The following KCNAB2 variants were observed in gnomAD, a reference collection of about 807,000 sequenced individuals.
KCNAB2 encodes the protein potassium voltage-gated channel subfamily A regulatory beta subunit 2, also known as voltage-gated potassium channel subunit beta-2.
In KCNAB2, 29 loss-of-function variants were observed where a neutral mutation model predicts 63.6. The observed-to-expected ratio is 0.46, with a 90% CI of 0.34 to 0.62. The LOEUF (loss-of-function observed/expected upper bound fraction) is 0.62, where lower values mean the gene tolerates loss of function less well. Among genes scored for constraint, KCNAB2 ranks in the 20% least tolerant of loss-of-function variants. KCNAB2 has a pLI of 0.01. For missense variants in KCNAB2, 359 were observed against 563.9 expected, an observed-to-expected ratio of 0.64 and a Z score of 3.68; for synonymous variants, 222 against 224.2, an observed-to-expected ratio of 0.99 and a Z score of 0.09.
intron 13 of KCNAB2, among the ~76,000 whole-genome samples, 156 bp downstream of exon 13, chr1:6,095,780 C>T (rs1665569820): frequency 6.6e-6 from 1 of 152,082 alleles, no homozygotes; most frequent in South Asian, 2.1e-4. Flanking sequence ...GGCGTGAGAA[C>T]ATGGAGCCCC....
intron 4 of KCNAB2, 115 bp from the exon 5 acceptor site, chr1:6,082,080 G>A: frequency 1.2e-6 from 1 of 814,974 alleles, no homozygotes; most frequent in Non-Finnish European, 2.1e-6. Context: ...AGCCTGTCGG[G>A]CCCGGGAGGG....
In KCNAB2 at chr1:5,994,554, C is replaced by T. The variant is rs1656835879; in HGVS notation, c.-53+1766C>T. On this transcript the variant is annotated intron_variant, in intron 1 of 16. Coordinates refer to the KCNAB2 transcript ENST00000341524. This position sits in a 1 kb window ranked among gnomAD's most constrained non-coding sequence, Gnocchi z 5.4. ...TTTTTTTTTTCCCTGCGCCAGTCAG[C>T]AAATGCTTTGTAGGTGCTAGTCAAC... Among the ~76,000 whole-genome samples, 2 of 152,148 alleles carry T rather than the reference C, an allele frequency of 1.3e-5. No individual in the cohort carries two copies.
intron 1 of KCNAB2, chr1:6,040,375 G>C (rs1660398970): frequency 1.6e-6 from 1 of 621,134 alleles, no homozygotes; most frequent in Non-Finnish European, 3.0e-6. Flanking sequence ...CTGTCTGTCT[G>C]TCTCTCTGCT....
chr1:6,004,269 G>A (rs1391607542), intron 1 of KCNAB2, among the ~76,000 whole-genome samples: 3 of 150,628 alleles, frequency 2.0e-5, no homozygotes, highest in Admixed American at 6.6e-5. Context: ...CTGTGTTACC[G>A]AGTCTGGTCT....
intron 4 of KCNAB2, among the ~76,000 whole-genome samples, chr1:6,081,199 T>C (rs1414310166): frequency 6.6e-6 from 1 of 152,206 alleles, no homozygotes; most frequent in Non-Finnish European, 1.5e-5. Context: ...CAGTCATTCA[T>C]CCATCTTGCC....
Position 6,051,738 on chromosome 1 carries a change from A to C in KCNAB2, c.202A>C (p.Thr68Pro). The C allele has an allele frequency of 1.3e-6, 2 of 1,533,158 alleles. No homozygotes were observed. The highest frequency in any genetic ancestry group is 1.7e-6 in the Non-Finnish European group (2 of 1,146,366). 95.0% of individuals were successfully genotyped at this position (1,533,158 alleles called of 1,614,324 possible). A position where few individuals can be genotyped will look rare whatever the true frequency, so the allele number is the denominator to read the frequency against. Residue 68 changes from threonine to proline, a missense_variant, in exon 2 of 16, where the codon ACA (threonine) becomes CCA (proline). This residue lies in a region of KCNAB2 where 271 missense variants were observed against 476.1 expected (regional missense o/e 0.57). Coordinates refer to ENST00000378083, the MANE Select transcript of KCNAB2 (RefSeq NM_001199862.2). The stretch of plus-strand genomic sequence containing the variant: ...CCTGGACGGCTGCACCGCCCAGCGC[A>C]CAGGCATGAAGTATCGGTAAGGGCC... ...LSLDGCTAQR[T>P]GMKYRNLGKS...
At chr1:6,049,628 TGG>T (rs1213316883) in intron 1 of KCNAB2, among the ~76,000 whole-genome samples, 2 of 152,130 alleles carry the variant, frequency 1.3e-5, no homozygotes, top group African/African-American at 4.8e-5. Context: ...ACCAGGGTGG[TGG>T]GGCCAAGGCC....
intron 1 of KCNAB2, among the ~76,000 whole-genome samples, chr1:6,013,335 C>T (rs964537015): frequency 5.3e-5 from 8 of 152,200 alleles, no homozygotes; most frequent in Admixed American, 2.0e-4. Flanking sequence ...ACACTTGTGA[C>T]GCTCAGAGCT....
chr1:6,045,007 T>A (rs907734382), upstream of KCNAB2, among the ~76,000 whole-genome samples: 17 of 152,050 alleles, frequency 1.1e-4, no homozygotes, highest in Non-Finnish European at 2.5e-4. This position sits in a 1 kb window ranked among gnomAD's most constrained non-coding sequence, Gnocchi z 4.8. Flanking sequence ...CAGGGCGACA[T>A]GTGGGGATCT....
At chr1:6,077,737 G>C (rs559841824) in intron 4 of KCNAB2, among the ~76,000 whole-genome samples, 1 of 152,190 alleles carries the variant, frequency 6.6e-6, no homozygotes, top group Non-Finnish European at 1.5e-5. Flanking sequence ...AGGAGCATCC[G>C]GGGCCCCGCC....
chr1:6,097,124 G>T, intron 14 of KCNAB2, 145 bp from the exon 15 acceptor site: 2 of 904,892 alleles, frequency 2.2e-6, no homozygotes, highest in Non-Finnish European at 3.2e-6. Context: ...GACAAAGCCC[G>T]TGCCCAGCAC....
At chr1:6,089,989 A>G (rs1665049586) in intron 8 of KCNAB2, among the ~76,000 whole-genome samples, 1 of 152,230 alleles carries the variant, frequency 6.6e-6, no homozygotes, top group African/African-American at 2.4e-5. Context: ...GGCATGGGCC[A>G]CCACGCCCGA....
intron 1 of KCNAB2, among the ~76,000 whole-genome samples, chr1:6,002,569 C>T (rs111605061): frequency 1.3e-5 from 2 of 152,236 alleles, no homozygotes; most frequent in Admixed American, 6.5e-5. Context: ...CCCACACCAC[C>T]GATGAGGACA....
At chr1:6,008,069 C>T (rs1657930309) in intron 1 of KCNAB2, among the ~76,000 whole-genome samples, 1 of 152,188 alleles carries the variant, frequency 6.6e-6, no homozygotes, top group Non-Finnish European at 1.5e-5. Flanking sequence ...ACTACTTCAT[C>T]AGGCATCCCC....
At chr1:6,081,980 CTTCT>C (rs1664248178) in intron 4 of KCNAB2, among the ~76,000 whole-genome samples, 1 of 152,092 alleles carries the variant, frequency 6.6e-6, no homozygotes. Flanking sequence ...TTCCTTTTGC[CTTCT>C]TTATTCTTCT....
rs1460972530 is a variant in KCNAB2 at position 6,081,945 on chromosome 1, T to C, written c.301-250T>C. ...TGATGGGGTCCCTGCTCTCAAGAAA[T>C]TCACAGTCCTTGGCAGTTTCTTCAT... On this transcript the variant is annotated intron_variant, in intron 4 of 15. Transcript: ENST00000378083. Among the ~76,000 whole-genome samples, 3 of 152,198 alleles carry C rather than the reference T, an allele frequency of 2.0e-5. No individual in the cohort carries two copies. In the East Asian group the frequency reaches 5.8e-4, roughly 29 times the overall value.
At chr1:6,094,600 C>A in intron 11 of KCNAB2, 115 bp downstream of exon 11, 1 of 789,242 alleles carries the variant, frequency 1.3e-6, no homozygotes, top group East Asian at 2.7e-5. Flanking sequence ...TGCACCGATG[C>A]CTGGGTGCTA....
In KCNAB2 at chr1:6,028,375, T is replaced by C. The variant is rs1008163821; in HGVS notation, c.-52-12142T>C. Among the ~76,000 whole-genome samples the C allele has an allele frequency of 2.1e-4, 32 of 152,198 alleles. No individual in the cohort carries two copies. The highest frequency in any genetic ancestry group is 7.5e-4 in the African/African-American group (31 of 41,444). On this transcript the variant is annotated intron_variant, in intron 1 of 16. Transcript: ENST00000341524. This position sits in a 1 kb window ranked among gnomAD's most constrained non-coding sequence, Gnocchi z 4.0. ...AGAACAAGCAGACCATGGTTTTGTG[T>C]TATACAGTAGTCACGGCAGATACTT...
intron 2 of KCNAB2, among the ~76,000 whole-genome samples, chr1:6,066,885 A>G (rs933429984): frequency 7.9e-5 from 12 of 152,250 alleles, no homozygotes; most frequent in African/African-American, 2.7e-4. Flanking sequence ...TGGTCAGCCC[A>G]GGCACCTTGC....
Sources: allele counts gnomAD v4.1 joint callset (sites outside exome capture counted in the v4.1 genomes callset), GRCh38; gene constraint gnomAD v4.1.1; regional missense constraint gnomAD v4.1.1; non-coding constraint Gnocchi (gnomAD v3.1); transcripts MANE v1.5; gene names NCBI Gene and HGNC (gene_info 2026-07-23, HGNC 2026-07-21).